KIF1A: variants seen among roughly 807,000 people sequenced by gnomAD.
KIF1A encodes the protein kinesin-like protein KIF1A.
In KIF1A, 46 loss-of-function variants were observed where a neutral mutation model predicts 227.3. The observed-to-expected ratio is 0.20, with a 90% CI of 0.16 to 0.26. The LOEUF (loss-of-function observed/expected upper bound fraction) is 0.26, where lower values mean the gene tolerates loss of function less well. Among genes scored for constraint, KIF1A ranks in the 10% least tolerant of loss-of-function variants. The pLI is 1.00. For synonymous variants in KIF1A, 1,022 were observed against 1,012.8 expected (o/e 1.01, Z -0.17); for missense variants, 1,683 against 2,485.9 (o/e 0.68, Z 6.87).
At chr2:240,745,700 C>T (rs1015110215) in intron 31 of KIF1A, 38 bp downstream of exon 31, 2 of 1,598,690 alleles carry the variant, frequency 1.3e-6, no homozygotes, top group Non-Finnish European at 1.7e-6. Flanking sequence ...CACAGAGTCC[C>T]TGCGCAGCGC....
Position 240,766,805 on chromosome 2 carries a change from A to G in KIF1A, c.1684+110T>C. 2 of 628,596 alleles carry G rather than the reference A, an allele frequency of 3.2e-6. No individual in the cohort carries two copies. The highest frequency in any genetic ancestry group is 5.7e-6 in the Non-Finnish European group (2 of 352,526). The allele number at this position is 628,596 out of a possible 1,614,324, so 38.9% of individuals were successfully genotyped here. A position where few individuals can be genotyped will look rare whatever the true frequency, so the allele number is the denominator to read the frequency against. On this transcript the variant is annotated intron_variant, in intron 19 of 48. Coordinates refer to ENST00000498729, the MANE Select transcript of KIF1A (RefSeq NM_001244008.2). The surrounding 1 kb of genome is among the most constrained non-coding windows in gnomAD (Gnocchi z 5.0). The stretch of plus-strand genomic sequence containing the variant: ...CACACACGTCCTGCCTAGAAGTATG[A>G]CTCGCGACCCACTTAGTGCTGGGTA...
chr2:240,727,934 T>C (rs896973529), intron 38 of KIF1A, among the ~76,000 whole-genome samples: 2 of 152,124 alleles, frequency 1.3e-5, no homozygotes, highest in Non-Finnish European at 2.9e-5. Flanking sequence ...TTTGCCTGAC[T>C]CCAGAATGTG....
chr2:240,816,071 A>G (rs2058293867), intron 1 of KIF1A, among the ~76,000 whole-genome samples: 2 of 152,140 alleles, frequency 1.3e-5, no homozygotes, highest in South Asian at 4.1e-4. Context: ...AGGGGGACCT[A>G]AAACCTAATG....
rs2056037951 is a variant in KIF1A, at chr2:240,793,714, G to A, written c.106+3933C>T. ...CAAATGAAGAGGATTATTTATGCAG[G>A]TGATGATTACGGGATAACAGTTAAA... On this transcript the variant is annotated intron_variant, in intron 2 of 48. Transcript: ENST00000498729. The surrounding 1 kb of genome is among the most constrained non-coding windows in gnomAD (Gnocchi z 4.8). 6.6e-6 allele frequency among the ~76,000 whole-genome samples: 1 copy of A among 152,246 alleles called. No homozygotes were observed. Among genetic ancestry groups the A allele is most frequent in the African/African-American group, 2.4e-5 (1 of 41,476 alleles).
intron 37 of KIF1A, 103 bp from the exon 38 acceptor site, chr2:240,737,271 T>TG: frequency 1.2e-6 from 1 of 860,896 alleles, no homozygotes; most frequent in South Asian, 1.3e-5. Flanking sequence ...GCTCCCCACA[T>TG]GGTCACTAGA....
At chr2:240,721,682 G>T in intron 44 of KIF1A, 125 bp downstream of exon 44, 1 of 794,486 alleles carries the variant, frequency 1.3e-6, no homozygotes, top group South Asian at 1.5e-5. Flanking sequence ...CCTCTGCACT[G>T]AGACGTGTTC....
At chr2:240,800,518 C>T (rs1225784978) in intron 1 of KIF1A, among the ~76,000 whole-genome samples, 4 of 152,122 alleles carry the variant, frequency 2.6e-5, no homozygotes, top group South Asian at 4.1e-4. Context: ...TTGCATTCTG[C>T]GCACGGGGCA....
chr2:240,773,342 C>G, intron 12 of KIF1A, 86 bp from the exon 13 acceptor site: 1 of 1,543,280 alleles, frequency 6.5e-7, no homozygotes, highest in South Asian at 1.2e-5. Context: ...CTGCCCAAGA[C>G]CCAGCCTTTT....
chr2:240,761,937 C>T (rs143386253), intron 23 of KIF1A, among the ~76,000 whole-genome samples: 116 of 152,292 alleles, frequency 7.6e-4, no homozygotes, highest in Non-Finnish European at 1.2e-3. Flanking sequence ...ACTCTCTCCC[C>T]GACCCATGCC....
chr2:240,789,374 T>C lies in KIF1A; in HGVS notation c.107-62A>G. ...GGAGGGCCCCTGACTAGCTGGCATC[T>C]ACACTCCAAGGTGGGGAGATGGTCT... On this transcript the variant is annotated intron_variant, in intron 2 of 48. Coordinates refer to ENST00000498729, the MANE Select transcript of KIF1A (RefSeq NM_001244008.2). The surrounding 1 kb of genome is among the most constrained non-coding windows in gnomAD (Gnocchi z 4.8). 7.3e-7 allele frequency: 1 copy of C among 1,377,030 alleles called. No individual in the cohort carries two copies. Among genetic ancestry groups the C allele is most frequent in the Non-Finnish European group, 1.0e-6 (1 of 965,210 alleles). The allele number at this position is 1,377,030 out of a possible 1,614,324, so 85.3% of individuals were successfully genotyped here.
chr2:240,784,920 G>C (rs1238781159), intron 7 of KIF1A, 69 bp downstream of exon 7: 1 of 1,316,760 alleles, frequency 7.6e-7, no homozygotes, highest in African/African-American at 1.4e-5. Flanking sequence ...CCACTGGCCT[G>C]ACCACCACCC....
In KIF1A at chr2:240,737,445, G is replaced by A. The variant is rs1270150020; in HGVS notation, c.3902-277C>T. 3 of 244,754 alleles carry A rather than the reference G, an allele frequency of 1.2e-5. No homozygotes were observed. In the East Asian group the frequency reaches 2.2e-4, roughly 18 times the overall value. 15.2% of individuals were successfully genotyped at this position (244,754 alleles called of 1,614,324 possible). A position where few individuals can be genotyped will look rare whatever the true frequency, so the allele number is the denominator to read the frequency against. On this transcript the variant is annotated intron_variant, in intron 37 of 48. Coordinates refer to ENST00000498729, the MANE Select transcript of KIF1A (RefSeq NM_001244008.2). The stretch of plus-strand genomic sequence containing the variant: ...CTGACAAATGCAGGTGCTTAGCCTG[G>A]AAACCACCGGCCTTCCTGACTGCTG...
Position 240,715,231 on chromosome 2 carries a change from A to G in KIF1A, c.*2133T>C, listed in dbSNP as rs148679317. The G allele has an allele frequency of 1.2e-3, 181 of 152,624 alleles. 1 individual carries two copies. Among genetic ancestry groups the G allele is most frequent in the East Asian group, 7.7e-3 (41 of 5,322 alleles). 9.5% of individuals were successfully genotyped at this position (152,624 alleles called of 1,614,324 possible). On this transcript the variant is annotated 3_prime_UTR_variant, in exon 49 of 49. Coordinates refer to ENST00000498729, the MANE Select transcript of KIF1A (RefSeq NM_001244008.2). ...CTGTTCTGCATCCTCTCCTTGCTGCATCTTGGTCCACTGCCTCCAGAGGTC... is the reference window on the plus strand; with the variant it reads ...CTGTTCTGCATCCTCTCCTTGCTGCGTCTTGGTCCACTGCCTCCAGAGGTC...
At chr2:240,786,248 A>T in intron 6 of KIF1A, 87 bp downstream of exon 6, 1 of 1,343,992 alleles carries the variant, frequency 7.4e-7, no homozygotes, top group Non-Finnish European at 1.1e-6. Context: ...CCTACCAAAA[A>T]GGGCCAGGAC....
intron 38 of KIF1A, among the ~76,000 whole-genome samples, chr2:240,735,606 C>T (rs1410608176): frequency 1.3e-5 from 2 of 152,296 alleles, no homozygotes; most frequent in Middle Eastern, 3.4e-3. Flanking sequence ...ATGGCAGACC[C>T]GCCCTTCCGG....
chr2:240,760,906 A>G (rs1331193426), intron 24 of KIF1A, 63 bp from the exon 25 acceptor site: 1 of 1,469,396 alleles, frequency 6.8e-7, no homozygotes, highest in African/African-American at 1.4e-5. Context: ...GGTCCCCAAA[A>G]AGGCTTCCTT....
rs956333534 is a variant in KIF1A, at chr2:240,752,767, T to G, written c.2859-2220A>C. 6.6e-6 allele frequency among the ~76,000 whole-genome samples: 1 copy of G among 151,200 alleles called. No individual in the cohort carries two copies. Among genetic ancestry groups the G allele is most frequent in the Non-Finnish European group, 1.5e-5 (1 of 67,786 alleles). ...CCAGGGTTGGAGGGCAGAAGGGCAC[T>G]GAGGATGAAGAGACTGCCCCCACCC... On this transcript the variant is annotated intron_variant, in intron 27 of 48. Transcript: ENST00000498729. This position sits in a 1 kb window ranked among gnomAD's most constrained non-coding sequence, Gnocchi z 6.4.
chr2:240,781,286 T>TCC (rs200052585), intron 10 of KIF1A, among the ~76,000 whole-genome samples: 1 of 1,520 alleles, frequency 6.6e-4, no homozygotes, highest in Non-Finnish European at 9.2e-4. Flanking sequence ...CACACACAGC[T>TCC]ACACACACAC....
intron 20 of KIF1A, among the ~76,000 whole-genome samples, chr2:240,764,577 C>T (rs1410993576): frequency 2.0e-5 from 3 of 152,126 alleles, no homozygotes; most frequent in Non-Finnish European, 1.5e-5. Context: ...CACTGGGTGT[C>T]ACCTGCCCCT....
Sources: gnomAD v4.1 joint callset for allele counts (sites outside exome capture counted in the v4.1 genomes callset) on GRCh38, gnomAD v4.1.1 for gene constraint, Gnocchi (gnomAD v3.1) non-coding constraint, MANE v1.5 for transcripts, NCBI Gene and HGNC (gene_info 2026-07-23, HGNC 2026-07-21) for gene names.